Variants in YEATS2 observed in about 807,000 individuals in gnomAD.
The protein encoded by YEATS2 is YEATS domain containing 2.
Under a neutral mutation model 163.2 loss-of-function variants are expected in YEATS2, and 77 were observed. That is an observed-to-expected ratio of 0.47 (90% CI 0.39 to 0.57). The LOEUF is 0.57. YEATS2 is among the 20% of genes least tolerant of loss of function. The probability of loss-of-function intolerance (pLI) is 0.00; values close to 1 mark genes in which losing one functional copy is unlikely to be tolerated. For synonymous variants in YEATS2, 631 were observed against 645.1 expected (o/e 0.98, Z 0.33); for missense variants, 1,549 against 1,729.8 (o/e 0.90, Z 1.85).
intron 7 of YEATS2, among the ~76,000 whole-genome samples, chr3:183,729,804 C>T (rs149120544): frequency 0.012 from 1,803 of 152,016 alleles, 38 homozygotes; most frequent in African/African-American, 0.042. Flanking sequence ...TCTTCTGCCT[C>T]AGCCTCCCAA....
chr3:183,757,355 ATC>A (rs1346416831), intron 12 of YEATS2, among the ~76,000 whole-genome samples: 1 of 152,042 alleles, frequency 6.6e-6, no homozygotes, highest in East Asian at 1.9e-4. Flanking sequence ...CAGTGGCGTG[ATC>A]TCGGCTCACT....
chr3:183,793,161 CTGAA>C lies in YEATS2; in HGVS notation c.3097+2183_3097+2186del. 2.3e-6 allele frequency: 3 copies of C among 1,287,554 alleles called. No homozygotes were observed. In the South Asian group the frequency reaches 3.7e-5, roughly 16 times the overall value. The allele number at this position is 1,287,554 out of a possible 1,614,324, so 79.8% of individuals were successfully genotyped here. A position where few individuals can be genotyped will look rare whatever the true frequency, so the allele number is the denominator to read the frequency against. ...GGCTGGCACTGGTCTACCGGAAAAA[CTGAA>C]TATCACCGAGATACACACACACACT... On this transcript the variant is annotated intron_variant, in intron 21 of 30. Coordinates refer to ENST00000305135, the MANE Select transcript of YEATS2 (RefSeq NM_018023.5).
chr3:183,810,597 CCCT>C lies in YEATS2; in HGVS notation c.*15_*17del. On this transcript the variant is annotated 3_prime_UTR_variant, in exon 31 of 31. Transcript: ENST00000305135. The stretch of plus-strand genomic sequence containing the variant: ...GAGGACCAGTGAGCGGAGTGAGGTG[CCCT>C]GGAGAAGCAGGCTTTGAAGGCACAG... 1 of 1,609,434 alleles carries C rather than the reference CCCT, an allele frequency of 6.2e-7. No individual in the cohort carries two copies. Among genetic ancestry groups the C allele is most frequent in the South Asian group, 1.1e-5 (1 of 90,864 alleles).
chr3:183,811,078 G>A lies in YEATS2; in HGVS notation c.*495G>A, dbSNP rs1180762909. ...CTCCCATGCCTGGCCTTGGTGTGGA[G>A]GGGCTGTACTCTGAGCCCAAGTGAG... On this transcript the variant is annotated 3_prime_UTR_variant, in exon 31 of 31. Coordinates refer to ENST00000305135, the MANE Select transcript of YEATS2 (RefSeq NM_018023.5). 2 of 165,662 alleles carry A rather than the reference G, an allele frequency of 1.2e-5. No homozygotes were observed. The highest frequency in any genetic ancestry group is 2.6e-5 in the Non-Finnish European group (2 of 76,462). The allele number at this position is 165,662 out of a possible 1,614,324, so 10.3% of individuals were successfully genotyped here. A position where few individuals can be genotyped will look rare whatever the true frequency, so the allele number is the denominator to read the frequency against.
chr3:183,728,442 G>A (rs1203533352), intron 6 of YEATS2, among the ~76,000 whole-genome samples: 1 of 152,130 alleles, frequency 6.6e-6, no homozygotes, highest in Non-Finnish European at 1.5e-5. Context: ...CAGTCCTCCC[G>A]TTTCAGCCTC....
chr3:183,791,465 C>T (rs1176059993), intron 21 of YEATS2, among the ~76,000 whole-genome samples: 4 of 152,164 alleles, frequency 2.6e-5, no homozygotes. Context: ...CAGATTTTGT[C>T]TGAGACTTTA....
At chr3:183,793,999 T>C (rs1434262487) in intron 21 of YEATS2, among the ~76,000 whole-genome samples, 1 of 152,204 alleles carries the variant, frequency 6.6e-6, no homozygotes, top group Non-Finnish European at 1.5e-5. Flanking sequence ...TAAACTGCAT[T>C]AAACTTAAGG....
chr3:183,802,512 T>TATATATATAC (rs1332706054), intron 25 of YEATS2: 1 of 151,184 alleles, frequency 6.6e-6, no homozygotes, highest in Admixed American at 6.6e-5. Context: ...TGTGTGTGTA[T>TATATATATAC]ACATGTATAT....
At chr3:183,805,324 C>T (rs1283501460) in intron 27 of YEATS2, among the ~76,000 whole-genome samples, 3 of 149,940 alleles carry the variant, frequency 2.0e-5, no homozygotes, top group East Asian at 2.0e-4. Flanking sequence ...CACTTGAGCC[C>T]GGGAGGTTGA....
chr3:183,762,192 G>T lies in YEATS2; in HGVS notation c.1860G>T (p.Gly620=). Residue 620 remains glycine, a synonymous_variant, in exon 15 of 31, where the codon GGG becomes GGT. Transcript: ENST00000305135. ...SPLPQYVTVK[G]GHMIAVSPQK... ...TCCCGCAGTATGTGACTGTGAAAGG[G>T]GGTCACATGATAGCTGTGTCCCCTC... The T allele has an allele frequency of 6.2e-7, 1 of 1,614,160 alleles. No homozygotes were observed. The highest frequency in any genetic ancestry group is 8.5e-7 in the Non-Finnish European group (1 of 1,180,038).
chr3:183,766,701 T>C (rs1445760504), intron 15 of YEATS2, among the ~76,000 whole-genome samples: 2 of 152,226 alleles, frequency 1.3e-5, no homozygotes, highest in African/African-American at 4.8e-5. Flanking sequence ...GTTGTTGCTC[T>C]TGTGGGTTTT....
At chr3:183,762,899 A>G (rs1391353611) in intron 15 of YEATS2, among the ~76,000 whole-genome samples, 1 of 151,960 alleles carries the variant, frequency 6.6e-6, no homozygotes, top group African/African-American at 2.4e-5. Context: ...TAAAAATACA[A>G]TATTAGCGGG....
chr3:183,806,552 A>G, intron 27 of YEATS2: 1 of 448,150 alleles, frequency 2.2e-6, no homozygotes, highest in Non-Finnish European at 4.2e-6. Context: ...AGATGAGGAA[A>G]AATCAGGTCA....
At chr3:183,749,104 G>A (rs1013561456) in intron 9 of YEATS2, among the ~76,000 whole-genome samples, 3 of 151,956 alleles carry the variant, frequency 2.0e-5, no homozygotes, top group South Asian at 2.1e-4. Context: ...CACCACGCCC[G>A]GCTAATTTTT....
Position 183,717,733 on chromosome 3 carries a change from T to G in YEATS2, c.183T>G (p.Ile61Met), listed in dbSNP as rs1437911602. Reference sequence around the variant, plus strand: ...AAATGAAGAATAAGGAACATGAAATTGAAGTCATTGACCAGGTATAATGAT... The same window carrying G: ...AAATGAAGAATAAGGAACATGAAATGGAAGTCATTGACCAGGTATAATGAT... ...ALEMKNKEHE[I>M]EVIDQRLIEA... The change falls in exon 3 of 31, where the codon ATT (isoleucine) becomes ATG (methionine). Residue 61 changes from isoleucine to methionine, a missense_variant. By Grantham distance (10) the Ile-to-Met change is conservative. Transcript: ENST00000305135. 1 of 1,551,386 alleles carries G rather than the reference T, an allele frequency of 6.4e-7. No individual in the cohort carries two copies. Among genetic ancestry groups the G allele is most frequent in the South Asian group, 1.3e-5 (1 of 78,880 alleles).
chr3:183,778,602 C>T (rs1479504117), intron 19 of YEATS2, among the ~76,000 whole-genome samples: 4 of 152,012 alleles, frequency 2.6e-5, no homozygotes, highest in African/African-American at 7.2e-5. Context: ...GTGATCTGCC[C>T]GCCTCGGCCT....
At chr3:183,738,422 T>C (rs541726891) in intron 8 of YEATS2, among the ~76,000 whole-genome samples, 1 of 145,820 alleles carries the variant, frequency 6.9e-6, no homozygotes, top group African/African-American at 2.6e-5. Context: ...TTTTTAATAC[T>C]TTAAGTTTTA....
rs547528861 is a variant in YEATS2, at chr3:183,790,958, C to T, written c.3075C>T (p.Ile1025=). ...ATSLVPTPNP[I]SGKATVSGLL... ...CCCTCGTGCCTACACCAAACCCCAT[C>T]TCTGGGAAAGCCACAGTATCCGGTG... The change falls in exon 21 of 31, where the codon ATC becomes ATT. Residue 1025 remains isoleucine, a synonymous_variant. Coordinates refer to ENST00000305135, the MANE Select transcript of YEATS2 (RefSeq NM_018023.5). 1 of 1,613,684 alleles carries T rather than the reference C, an allele frequency of 6.2e-7. No individual in the cohort carries two copies. Among genetic ancestry groups the T allele is most frequent in the South Asian group, 1.1e-5 (1 of 91,064 alleles).
rs570242049 is a variant in YEATS2 at position 183,732,265 on chromosome 3, A to C, written c.812+3414A>C. 3.9e-5 allele frequency among the ~76,000 whole-genome samples: 6 copies of C among 151,980 alleles called. No homozygotes were observed. The East Asian group carries it at 9.9e-4, about 25-fold the overall frequency. On this transcript the variant is annotated intron_variant, in intron 7 of 30. Coordinates refer to ENST00000305135, the MANE Select transcript of YEATS2 (RefSeq NM_018023.5). ...GGCGTTTGAGACCAGCCTTGCCAAC[A>C]TGGTGAAACCTTGTCTCTACTAAAA...
Sources: allele counts gnomAD v4.1 joint callset (sites outside exome capture counted in the v4.1 genomes callset), GRCh38; gene constraint gnomAD v4.1.1; transcripts MANE v1.5; gene names NCBI Gene and HGNC (gene_info 2026-07-23, HGNC 2026-07-21).